The following PRKACB variants were observed in gnomAD, a reference collection of about 807,000 sequenced individuals.
PRKACB encodes cAMP-dependent protein kinase catalytic subunit beta.
In PRKACB, 16 loss-of-function variants were observed where a neutral mutation model predicts 51.4. That is an observed-to-expected ratio of 0.31 (90% CI 0.21 to 0.47). PRKACB has a LOEUF of 0.47. Among genes scored for constraint, PRKACB ranks in the 20% least tolerant of loss-of-function variants. PRKACB has a pLI of 1.00. For synonymous variants in PRKACB, 147 were observed against 154.4 expected (o/e 0.95, Z 0.35); for missense variants, 309 against 464.5 (o/e 0.67, Z 3.08).
At chr1:84,141,571 G>A (rs745958421), upstream of PRKACB, among the ~76,000 whole-genome samples, 1 of 152,002 alleles carries the variant, frequency 6.6e-6, no homozygotes, top group South Asian at 2.1e-4. Flanking sequence ...TTAAAATACG[G>A]TGTTTTCAAG....
At chr1:84,170,883 G>C (rs1460949340) in intron 1 of PRKACB, among the ~76,000 whole-genome samples, 3 of 151,500 alleles carry the variant, frequency 2.0e-5, no homozygotes, top group African/African-American at 7.3e-5. Context: ...TATAGATAGA[G>C]AATTCTTACC....
intron 8 of PRKACB, among the ~76,000 whole-genome samples, chr1:84,212,070 A>G (rs1218123156): frequency 6.6e-6 from 1 of 152,186 alleles, no homozygotes; most frequent in East Asian, 1.9e-4. Flanking sequence ...TGGTATGATA[A>G]TGATTTCAAT....
intron 1 of PRKACB, among the ~76,000 whole-genome samples, chr1:84,155,913 T>C (rs1008928148): frequency 1.3e-5 from 2 of 152,158 alleles, no homozygotes; most frequent in African/African-American, 4.8e-5. Context: ...CTGCTTCAAG[T>C]ATTGCTATAC....
At chr1:84,219,843 T>C (rs1673448459) in intron 9 of PRKACB, among the ~76,000 whole-genome samples, 1 of 152,140 alleles carries the variant, frequency 6.6e-6, no homozygotes, top group African/African-American at 2.4e-5. Flanking sequence ...GCTGTTTTAG[T>C]TACTATAGCT....
At chr1:84,203,384 G>A (rs1437617830) in intron 8 of PRKACB, among the ~76,000 whole-genome samples, 1 of 151,966 alleles carries the variant, frequency 6.6e-6, no homozygotes, top group East Asian at 1.9e-4. Flanking sequence ...CTGTGTTGTA[G>A]TATTTTACAT....
At chr1:84,147,478 A>C (rs1654259879) in intron 1 of PRKACB, among the ~76,000 whole-genome samples, 1 of 152,076 alleles carries the variant, frequency 6.6e-6, no homozygotes, top group Non-Finnish European at 1.5e-5. Context: ...GCTTCTTGAT[A>C]ATAGTCAATT....
At chr1:84,233,984 G>A (rs1676228339) in intron 9 of PRKACB, among the ~76,000 whole-genome samples, 1 of 152,108 alleles carries the variant, frequency 6.6e-6, no homozygotes, top group Admixed American at 6.5e-5. Context: ...GAGGAGGAGA[G>A]GCGCTCTGCT....
intron 9 of PRKACB, among the ~76,000 whole-genome samples, chr1:84,230,409 G>T (rs1165678804): frequency 6.6e-6 from 1 of 152,080 alleles, no homozygotes; most frequent in African/African-American, 2.4e-5. Flanking sequence ...TTGATTTGGC[G>T]ATGCGGGCTC....
chr1:84,227,394 T>G (rs1048696218), intron 9 of PRKACB, among the ~76,000 whole-genome samples: 2 of 152,130 alleles, frequency 1.3e-5, no homozygotes, highest in African/African-American at 2.4e-5. Context: ...TAATTAATGC[T>G]ATTTCGAGGT....
At chr1:84,208,641 C>T (rs758200307) in intron 8 of PRKACB, among the ~76,000 whole-genome samples, 8 of 152,152 alleles carry the variant, frequency 5.3e-5, no homozygotes, top group South Asian at 2.1e-4. Flanking sequence ...CTGTCTTCTA[C>T]GTTCTTTCTT....
chr1:84,116,489 T>C (rs1650643981), intron 1 of PRKACB, among the ~76,000 whole-genome samples: 1 of 152,094 alleles, frequency 6.6e-6, no homozygotes, highest in Non-Finnish European at 1.5e-5. Context: ...ACTTTTTTCA[T>C]CTTCAATTTC....
intron 1 of PRKACB, among the ~76,000 whole-genome samples, chr1:84,132,512 A>G (rs1652338072): frequency 6.6e-6 from 1 of 152,236 alleles, no homozygotes; most frequent in African/African-American, 2.4e-5. Context: ...AAGGCAAGAA[A>G]AAACAGTCTG....
At chr1:84,131,364 C>G (rs553493929) in intron 1 of PRKACB, among the ~76,000 whole-genome samples, 1 of 149,744 alleles carries the variant, frequency 6.7e-6, no homozygotes, top group East Asian at 2.0e-4. Flanking sequence ...AAAATTAATT[C>G]TAAGTAGACT....
At chr1:84,216,409 A>T (rs1213781839) in intron 9 of PRKACB, among the ~76,000 whole-genome samples, 1 of 152,164 alleles carries the variant, frequency 6.6e-6, no homozygotes, top group East Asian at 1.9e-4. Context: ...CAGCAAAAAG[A>T]ACATATAGCC....
intron 1 of PRKACB, among the ~76,000 whole-genome samples, chr1:84,128,013 T>C (rs1402430274): frequency 2.1e-5 from 3 of 144,360 alleles, no homozygotes; most frequent in East Asian, 3.9e-4. Context: ...TTTTCTTTTT[T>C]TTTTTTTTTT....
chr1:84,185,531 G>A (rs1054488939), intron 5 of PRKACB, among the ~76,000 whole-genome samples: 2 of 151,622 alleles, frequency 1.3e-5, no homozygotes, highest in Non-Finnish European at 2.9e-5. Flanking sequence ...ACAGAGGATT[G>A]TTTTAAGGAT....
chr1:84,212,793 G>A (rs977669988), intron 8 of PRKACB, among the ~76,000 whole-genome samples: 4 of 152,132 alleles, frequency 2.6e-5, no homozygotes, highest in African/African-American at 9.7e-5. Context: ...CTGGCATATA[G>A]TAGGTATTCA....
intron 5 of PRKACB, among the ~76,000 whole-genome samples, chr1:84,194,729 C>T (rs964936080): frequency 6.6e-6 from 1 of 151,970 alleles, no homozygotes; most frequent in African/African-American, 2.4e-5. Context: ...AATTCAAAAC[C>T]AGCCTGGGCA....
intron 1 of PRKACB, among the ~76,000 whole-genome samples, chr1:84,083,423 C>A (rs1647708233): frequency 6.6e-6 from 1 of 152,124 alleles, no homozygotes; most frequent in South Asian, 2.1e-4. Context: ...TCCTCAGTGT[C>A]CTTCACTTAG....
Sources: gnomAD v4.1 joint callset for allele counts (sites outside exome capture counted in the v4.1 genomes callset) on GRCh38, gnomAD v4.1.1 for gene constraint, MANE v1.5 for transcripts, NCBI Gene and HGNC (gene_info 2026-07-23, HGNC 2026-07-21) for gene names.